The following TRPM3 variants were observed in gnomAD, a reference collection of about 807,000 sequenced individuals.
TRPM3 encodes transient receptor potential cation channel subfamily M member 3.
A neutral mutation model predicts 181.2 loss-of-function variants in TRPM3; 77 were observed. The observed-to-expected ratio is 0.42, with a 90% CI of 0.35 to 0.51. The LOEUF is 0.51. Ranked by LOEUF, TRPM3 falls within the 20% of genes least tolerant of loss-of-function variation. The probability of loss-of-function intolerance (pLI) is 0.01; values close to 1 mark genes in which losing one functional copy is unlikely to be tolerated. For synonymous variants in TRPM3, 745 were observed against 796.4 expected (o/e 0.94, Z 1.09); for missense variants, 1,759 against 2,196.7 (o/e 0.80, Z 3.98).
chr9:70,826,512 T>C (rs1288243699), intron 6 of TRPM3: 2 of 152,192 alleles, frequency 1.3e-5, no homozygotes, highest in East Asian at 1.9e-4. Flanking sequence ...TATGAAACCA[T>C]GAAACATGAC....
chr9:70,789,953 G>A (rs1266548668), intron 6 of TRPM3, among the ~76,000 whole-genome samples: 1 of 152,128 alleles, frequency 6.6e-6, no homozygotes, highest in Non-Finnish European at 1.5e-5. Context: ...GAGGGAGAGA[G>A]GTGTCAGGAA....
intron 1 of TRPM3, among the ~76,000 whole-genome samples, chr9:71,261,103 A>G (rs1277113476): frequency 1.3e-5 from 2 of 152,184 alleles, no homozygotes; most frequent in African/African-American, 4.8e-5. Context: ...AGTGTTTTCC[A>G]ACTTGGTTCC....
chr9:71,177,662 AC>A (rs1163074987), intron 1 of TRPM3, among the ~76,000 whole-genome samples: 1 of 152,120 alleles, frequency 6.6e-6, no homozygotes, highest in Admixed American at 6.6e-5. Context: ...TAAATATTCA[AC>A]TTAAAGAAGG....
chr9:71,252,683 C>CT (rs1012823064), intron 1 of TRPM3, among the ~76,000 whole-genome samples: 1 of 151,708 alleles, frequency 6.6e-6, no homozygotes, highest in African/African-American at 2.4e-5. Flanking sequence ...CTTTTTCTTT[C>CT]TTTTTTGTGA....
At chr9:71,397,801 T>TG (rs5898206) in intron 1 of TRPM3, among the ~76,000 whole-genome samples, 1 of 152,236 alleles carries the variant, frequency 6.6e-6, no homozygotes, top group Admixed American at 6.5e-5. Flanking sequence ...CTACATTATA[T>TG]TTCCAGAATA....
chr9:70,554,186 A>G (rs1167081753), intron 22 of TRPM3, among the ~76,000 whole-genome samples: 1 of 152,200 alleles, frequency 6.6e-6, no homozygotes. Flanking sequence ...AAGAAAGAAA[A>G]AAATCCCTGA....
At chr9:70,988,975 C>T (rs2097449225) in intron 1 of TRPM3, among the ~76,000 whole-genome samples, 1 of 152,116 alleles carries the variant, frequency 6.6e-6, no homozygotes, top group African/African-American at 2.4e-5. Context: ...AGTTGAGCCT[C>T]CAGATGAGGA....
chr9:71,255,404 T>C (rs1327379032), intron 1 of TRPM3, among the ~76,000 whole-genome samples: 2 of 152,270 alleles, frequency 1.3e-5, no homozygotes, highest in East Asian at 3.9e-4. Context: ...ATAATACCCA[T>C]TGGCTGGCCA....
intron 1 of TRPM3, among the ~76,000 whole-genome samples, chr9:71,217,860 G>C (rs1324609124): frequency 6.6e-6 from 1 of 152,100 alleles, no homozygotes; most frequent in African/African-American, 2.4e-5. Context: ...CAGTGACCTG[G>C]AAGACTGGAA....
chr9:70,601,410 T>C (rs1478288624), intron 20 of TRPM3, among the ~76,000 whole-genome samples: 2 of 152,108 alleles, frequency 1.3e-5, no homozygotes, highest in Non-Finnish European at 2.9e-5. Context: ...CATGCAAACT[T>C]TTCCACATTT....
At chr9:71,035,494 A>G (rs916723953) in intron 1 of TRPM3, among the ~76,000 whole-genome samples, 28 of 152,226 alleles carry the variant, frequency 1.8e-4, no homozygotes, top group African/African-American at 6.0e-4. Flanking sequence ...AGGCAGGCAG[A>G]TCACTTGAGG....
chr9:70,889,241 T>G (rs2096150597), intron 1 of TRPM3, among the ~76,000 whole-genome samples: 1 of 152,154 alleles, frequency 6.6e-6, no homozygotes, highest in South Asian at 2.1e-4. Context: ...CCAGCCAAAC[T>G]TCTGCCTCCT....
At chr9:71,032,266 A>G (rs988469189) in intron 1 of TRPM3, among the ~76,000 whole-genome samples, 1 of 143,974 alleles carries the variant, frequency 6.9e-6, no homozygotes, top group African/African-American at 2.6e-5. Context: ...GAAGAGCAGA[A>G]TAAGAGGCTA....
At chr9:71,261,309 T>C (rs1174723363) in intron 1 of TRPM3, among the ~76,000 whole-genome samples, 2 of 152,222 alleles carry the variant, frequency 1.3e-5, no homozygotes, top group Non-Finnish European at 2.9e-5. Flanking sequence ...TATTGATACT[T>C]GTGTATGCTT....
At chr9:70,609,900 C>T (rs1441247786) in intron 19 of TRPM3, among the ~76,000 whole-genome samples, 2 of 147,538 alleles carry the variant, frequency 1.4e-5, no homozygotes, top group Non-Finnish European at 3.0e-5. Context: ...GGGCCAAAAG[C>T]TCATCTTAAA....
chr9:71,101,521 T>C (rs2068382387), intron 1 of TRPM3, among the ~76,000 whole-genome samples: 1 of 152,158 alleles, frequency 6.6e-6, no homozygotes, highest in Non-Finnish European at 1.5e-5. Context: ...TAGGATGGGA[T>C]GATTAATTCC....
chr9:70,817,338 T>C (rs914724979), intron 6 of TRPM3, among the ~76,000 whole-genome samples: 1 of 152,124 alleles, frequency 6.6e-6, no homozygotes, highest in Non-Finnish European at 1.5e-5. Context: ...AGAATGTAGA[T>C]GTGACAGTGG....
chr9:70,940,103 G>A (rs2096871126), intron 1 of TRPM3, among the ~76,000 whole-genome samples: 1 of 152,106 alleles, frequency 6.6e-6, no homozygotes, highest in Admixed American at 6.6e-5. Flanking sequence ...AGCTTTTTAT[G>A]TATTAAACCA....
At chr9:71,142,440 G>A (rs929617673) in intron 1 of TRPM3, among the ~76,000 whole-genome samples, 4 of 151,882 alleles carry the variant, frequency 2.6e-5, no homozygotes, top group Admixed American at 2.0e-4. Flanking sequence ...ACAATAGAGA[G>A]GTTTTGACTT....
Sources: allele counts gnomAD v4.1 joint callset (sites outside exome capture counted in the v4.1 genomes callset), GRCh38; gene constraint gnomAD v4.1.1; transcripts MANE v1.5; gene names NCBI Gene and HGNC (gene_info 2026-07-23, HGNC 2026-07-21).